Variants in HEYL observed in about 807,000 individuals in gnomAD.
The protein encoded by HEYL is hairy/enhancer-of-split related with YRPW motif-like protein.
In HEYL, 12 loss-of-function variants were observed where a neutral mutation model predicts 18.6. That is an observed-to-expected ratio of 0.65 (90% CI 0.41 to 1.05). HEYL has a LOEUF of 1.05. Ranked by LOEUF, HEYL falls within the 50% of genes least tolerant of loss-of-function variation. HEYL has a pLI of 0.00. For synonymous variants in HEYL, 159 were observed against 179.6 expected (o/e 0.89, Z 0.91); for missense variants, 420 against 444.7 (o/e 0.94, Z 0.50).
chr1:39,630,381 T>C (rs1148945), intron 3 of HEYL, 73 bp from the exon 4 acceptor site: 408,784 of 1,183,132 alleles, frequency 0.35, 73,675 homozygotes, highest in South Asian at 0.5. Flanking sequence ...CAGCACTCAC[T>C]GTCTCGATTT....
chr1:39,634,657 A>G (rs1307019239), intron 1 of HEYL, among the ~76,000 whole-genome samples: 1 of 152,162 alleles, frequency 6.6e-6, no homozygotes, highest in Non-Finnish European at 1.5e-5. Flanking sequence ...AGCCTTTTCT[A>G]ACATTCCTCC....
At chr1:39,637,958 T>A (rs1646368744) in intron 1 of HEYL, among the ~76,000 whole-genome samples, 1 of 152,166 alleles carries the variant, frequency 6.6e-6, no homozygotes, top group Non-Finnish European at 1.5e-5. Flanking sequence ...ATCAACCTAG[T>A]TCTCTGGCAT....
intron 2 of HEYL, among the ~76,000 whole-genome samples, chr1:39,631,823 T>C (rs1646335036): frequency 6.6e-6 from 1 of 152,204 alleles, no homozygotes; most frequent in South Asian, 2.1e-4. Context: ...AGGGGTGATA[T>C]TCAAGATGTT....
chr1:39,633,257 C>T (rs1345313541), intron 1 of HEYL, among the ~76,000 whole-genome samples: 3 of 152,138 alleles, frequency 2.0e-5, no homozygotes, highest in Admixed American at 2.0e-4. Flanking sequence ...CTCTCGGATG[C>T]TCTGGGACAC....
At chr1:39,631,089 G>A (rs1246236517) in intron 3 of HEYL, among the ~76,000 whole-genome samples, 1 of 152,184 alleles carries the variant, frequency 6.6e-6, no homozygotes, top group Non-Finnish European at 1.5e-5. Flanking sequence ...CTCACTCCCT[G>A]AGCAGCCTTT....
chr1:39,638,767 G>C (rs1557739703), intron 1 of HEYL, among the ~76,000 whole-genome samples: 1 of 152,166 alleles, frequency 6.6e-6, no homozygotes, highest in Non-Finnish European at 1.5e-5. Flanking sequence ...GACATACTTT[G>C]CCTCATTTGG....
chr1:39,633,158 GCCCGCC>G, intron 1 of HEYL: 2 of 974,424 alleles, frequency 2.1e-6, no homozygotes, highest in Middle Eastern at 1.1e-3. Context: ...CGCGCCGGCC[GCCCGCC>G]CTCCGCCCCG....
In HEYL at chr1:39,624,879, T is replaced by C. The variant is rs1271777733; in HGVS notation, c.*1628A>G. 5.9e-5 allele frequency: 9 copies of C among 152,270 alleles called. No individual in the cohort carries two copies. Among genetic ancestry groups the C allele is most frequent in the Admixed American group, 2.0e-4 (3 of 15,282 alleles). 9.4% of individuals were successfully genotyped at this position (152,270 alleles called of 1,614,324 possible). On this transcript the variant is annotated 3_prime_UTR_variant, in exon 5 of 5. Transcript: ENST00000372852. ...CAAAAGAGCTTTCTGGGTCACTCAA[T>C]GATCTCCTCCCTCTTATCCACTTCT...
At chr1:39,633,001 CG>C (rs1646343437) in intron 1 of HEYL, 1 of 974,984 alleles carries the variant, frequency 1.0e-6, no homozygotes, top group Admixed American at 6.2e-5. Flanking sequence ...GCGGTGGCTC[CG>C]GCTCCTGCAA....
At chr1:39,630,080 G>A (rs1646323725) in intron 4 of HEYL, 147 bp downstream of exon 4, 8 of 683,252 alleles carry the variant, frequency 1.2e-5, no homozygotes, top group Non-Finnish European at 2.1e-5. Context: ...GCTGAAAGGA[G>A]AGAGAGAAGC....
At chr1:39,634,872 C>T (rs1360395955) in intron 1 of HEYL, among the ~76,000 whole-genome samples, 1 of 152,192 alleles carries the variant, frequency 6.6e-6, no homozygotes, top group African/African-American at 2.4e-5. Context: ...TACAGCAGAA[C>T]TCATGGTAGA....
chr1:39,631,358 C>T (rs1157574825), intron 3 of HEYL, 138 bp downstream of exon 3: 1 of 705,206 alleles, frequency 1.4e-6, no homozygotes. Context: ...TCCTTTTACC[C>T]TGGCCAGTGA....
intron 1 of HEYL, among the ~76,000 whole-genome samples, chr1:39,638,564 G>A (rs1481407863): frequency 6.6e-6 from 1 of 152,210 alleles, no homozygotes; most frequent in Non-Finnish European, 1.5e-5. Context: ...TTCCACTGCT[G>A]TCTTTGTTTT....
rs143702140 is a variant in HEYL, at chr1:39,626,330, G to A, written c.*177C>T. 1,106 of 599,222 alleles carry A rather than the reference G, an allele frequency of 1.8e-3. 19 individuals are homozygous for A. In the East Asian group the frequency reaches 0.029, roughly 16 times the overall value. 37.1% of individuals were successfully genotyped at this position (599,222 alleles called of 1,614,324 possible). ...TCCAGGAGAGCTGGGTGGATAAGCT[G>A]GGATAACAGTGAGAAGGAGAGATGG... On this transcript the variant is annotated 3_prime_UTR_variant, in exon 5 of 5. Transcript: ENST00000372852.
chr1:39,634,331 G>A lies in HEYL; in HGVS notation c.81-1616C>T, dbSNP rs112536672. On this transcript the variant is annotated intron_variant, in intron 1 of 4. Transcript: ENST00000372852. ...GATGGTCTTGAACTCCTGACCTCAGGTGATCTGCCCGCCTTGGCCTCCCAA... is the reference window on the plus strand; with the variant it reads ...GATGGTCTTGAACTCCTGACCTCAGATGATCTGCCCGCCTTGGCCTCCCAA... 6.6e-3 allele frequency among the ~76,000 whole-genome samples: 1,000 copies of A among 152,292 alleles called. 13 individuals are homozygous for A. Among genetic ancestry groups the A allele is most frequent in the African/African-American group, 0.022 (934 of 41,550 alleles).
At position 39,630,179 on chromosome 1, in the gene HEYL, A is replaced by G. The variant is rs1344909709; in HGVS notation, c.313+48T>C. 3 of 1,548,040 alleles carry G rather than the reference A, an allele frequency of 1.9e-6. No homozygotes were observed. The East Asian group carries it at 6.7e-5, about 35-fold the overall frequency. On this transcript the variant is annotated intron_variant, in intron 4 of 4. Coordinates refer to ENST00000372852, the MANE Select transcript of HEYL (RefSeq NM_014571.4). ...CAGCATATCCCCAGGGCCCAGCCTC[A>G]AAATATTTGTTGTATGAATGACGCC...
intron 4 of HEYL, 53 bp from the exon 5 acceptor site, chr1:39,627,233 G>A: frequency 1.3e-6 from 2 of 1,514,218 alleles, no homozygotes; most frequent in Non-Finnish European, 1.8e-6. Context: ...GAAGCATGGA[G>A]CCTGGGTCTG....
intron 1 of HEYL, among the ~76,000 whole-genome samples, chr1:39,636,685 A>G (rs1344497335): frequency 6.6e-6 from 1 of 152,144 alleles, no homozygotes; most frequent in Non-Finnish European, 1.5e-5. Flanking sequence ...CATTTGTCTA[A>G]TTTATTGCAC....
intron 2 of HEYL, 67 bp downstream of exon 2, chr1:39,632,582 C>A: frequency 3.5e-6 from 5 of 1,417,266 alleles, no homozygotes; most frequent in South Asian, 1.3e-5. Context: ...TTCTCCCCGC[C>A]GCCAGACTGC....
Sources: allele counts gnomAD v4.1 joint callset (sites outside exome capture counted in the v4.1 genomes callset), GRCh38; gene constraint gnomAD v4.1.1; transcripts MANE v1.5; gene names NCBI Gene and HGNC (gene_info 2026-07-23, HGNC 2026-07-21).